Variants in FN1 observed in about 807,000 individuals in gnomAD.
FN1 encodes the protein fibronectin 1, also known as fibronectin.
A neutral mutation model predicts 297.3 loss-of-function variants in FN1; 106 were observed. The ratio of observed to expected loss-of-function variants is 0.36; its 90% CI spans 0.30 to 0.42. The LOEUF (loss-of-function observed/expected upper bound fraction) is 0.42, where lower values mean the gene tolerates loss of function less well. Ranked by LOEUF, FN1 falls within the 10% of genes least tolerant of loss-of-function variation. FN1 has a pLI of 1.00. For missense variants in FN1, 2,690 were observed against 3,124.9 expected (o/e 0.86, Z 3.32); for synonymous variants, 1,149 against 1,152.6 (o/e 1.00, Z 0.06).
At chr2:215,376,941 A>G (rs1364245506) in intron 35 of FN1, among the ~76,000 whole-genome samples, 1 of 152,184 alleles carries the variant, frequency 6.6e-6, no homozygotes, top group Non-Finnish European at 1.5e-5. Flanking sequence ...CTGGCTTTAT[A>G]GTATCTACAA....
chr2:215,397,544 G>T, intron 22 of FN1, 136 bp downstream of exon 22: 1 of 756,614 alleles, frequency 1.3e-6, no homozygotes, highest in Non-Finnish European at 2.3e-6. Flanking sequence ...TTCAGGAATA[G>T]CATTAATAAT....
chr2:215,361,266 A>G lies in FN1; in HGVS notation c.*289T>C, dbSNP rs2053394799. The G allele has an allele frequency of 5.3e-6, 2 of 376,280 alleles. No homozygotes were observed. The highest frequency in any genetic ancestry group is 3.2e-5 in the South Asian group (1 of 31,732). The allele number at this position is 376,280 out of a possible 1,614,324, so 23.3% of individuals were successfully genotyped here. ...CTTGGTTGGCTGCATATGCTTTCCT[A>G]TTGATCCCAAACCAAATCTTAGAAT... On this transcript the variant is annotated 3_prime_UTR_variant, in exon 46 of 46. Coordinates refer to ENST00000354785, the MANE Select transcript of FN1 (RefSeq NM_212482.4).
At chr2:215,367,543 T>G in intron 42 of FN1, 1 of 381,862 alleles carries the variant, frequency 2.6e-6, no homozygotes, top group South Asian at 2.2e-5. Context: ...TCTCTAATAC[T>G]CTTAAATAGA....
Position 215,373,655 on chromosome 2 carries a change from A to G in FN1, c.6158-244T>C, listed in dbSNP as rs568212567. Among the ~76,000 whole-genome samples the G allele has an allele frequency of 6.3e-4, 95 of 150,944 alleles. 1 individual carries two copies. In the South Asian group the frequency reaches 7.1e-3, roughly 11 times the overall value. On this transcript the variant is annotated intron_variant, in intron 38 of 45. Coordinates refer to ENST00000354785, the MANE Select transcript of FN1 (RefSeq NM_212482.4). The stretch of plus-strand genomic sequence containing the variant: ...CGCCTGAATAGACATTTTTTGGCTA[A>G]CTTTTCCAGGGTATTCTTTTTTTTT...
At chr2:215,408,052 C>A in intron 17 of FN1, 56 bp downstream of exon 17, 1 of 1,366,978 alleles carries the variant, frequency 7.3e-7, no homozygotes, top group Non-Finnish European at 1.0e-6. Flanking sequence ...CTGCGCCCTC[C>A]CTGCTGATGT....
rs757860365 is a variant in FN1 at position 215,370,393 on chromosome 2, C to T, written c.6754G>A (p.Gly2252Ser). The T allele has an allele frequency of 1.9e-6, 3 of 1,613,844 alleles. No homozygotes were observed. Among genetic ancestry groups the T allele is most frequent in the East Asian group, 2.2e-5 (1 of 44,868 alleles). The change falls in exon 41 of 46, where the codon GGC becomes AGC. Residue 2252 changes from glycine (G) to serine (S), a missense_variant. Gly to Ser is a moderately conservative substitution (Grantham distance 56). Transcript: ENST00000354785. ...TTGTAGGTGGCACCTCTGGTGAGGCCTGTCAGAGTGGCACTGGTAGAAGTT... is the reference window on the plus strand; with the variant it reads ...TTGTAGGTGGCACCTCTGGTGAGGCTTGTCAGAGTGGCACTGGTAGAAGTT... ...PGTSTSATLTGLTRGATYNVI... is the reference protein window; with the variant it reads ...PGTSTSATLTSLTRGATYNVI...
chr2:215,434,858 A>T, intron 1 of FN1, 34 bp from the exon 2 acceptor site: 1 of 1,605,800 alleles, frequency 6.2e-7, no homozygotes, highest in Non-Finnish European at 8.5e-7. Context: ...TTACATTTGC[A>T]TTTCTCCTTT....
Position 215,434,837 on chromosome 2 carries a change from G to T in FN1, c.149-13C>A. 6.4e-7 allele frequency: 1 copy of T among 1,571,622 alleles called. No homozygotes were observed. The highest frequency in any genetic ancestry group is 1.1e-5 in the South Asian group (1 of 90,494). Reference sequence around the variant, plus strand: ...TCATAACAACCGGCTGCAAATAATTGAAGGAAAACGTTACATTTGCATTTC... The same window carrying T: ...TCATAACAACCGGCTGCAAATAATTTAAGGAAAACGTTACATTTGCATTTC... On this transcript the variant is annotated splice_polypyrimidine_tract_variant and intron_variant, in intron 1 of 45. Coordinates refer to ENST00000354785, the MANE Select transcript of FN1 (RefSeq NM_212482.4).
At chr2:215,430,897 G>T in intron 4 of FN1, 45 bp from the exon 5 acceptor site, 1 of 1,606,274 alleles carries the variant, frequency 6.2e-7, no homozygotes, top group South Asian at 1.1e-5. Context: ...AGGTTATTTT[G>T]AATTGTGCAA....
Position 215,406,278 on chromosome 2 carries a change from A to G in FN1, c.2946T>C (p.His982=), listed in dbSNP as rs765509222. The stretch of plus-strand genomic sequence containing the variant: ...CAGTCAGAGGCTTGCTCTCCCTCCC[A>G]TGGCTCACTGCAAAGACTTTGAAGT... The part of the protein sequence containing the change: ...TYYFKVFAVS[H]GRESKPLTAQ... Residue 982 remains histidine (H), a synonymous_variant, in exon 19 of 46, where the codon CAT becomes CAC. Transcript: ENST00000354785. The G allele has an allele frequency of 3.8e-5, 61 of 1,614,046 alleles. No homozygotes were observed. The highest frequency in any genetic ancestry group is 4.7e-5 in the Non-Finnish European group (56 of 1,180,016).
At position 215,391,623 on chromosome 2, in the gene FN1, A is replaced by G. The variant is rs199520232; in HGVS notation, c.4252+9T>C. On this transcript the variant is annotated intron_variant, in intron 26 of 45. Coordinates refer to ENST00000354785, the MANE Select transcript of FN1 (RefSeq NM_212482.4). ...AATATTTATGGAACAGATACATTCAACTGCTTACTTGTTAAGACCACTGCA... is the reference window on the plus strand; with the variant it reads ...AATATTTATGGAACAGATACATTCAGCTGCTTACTTGTTAAGACCACTGCA... The G allele has an allele frequency of 1.6e-5, 25 of 1,608,774 alleles. 1 individual carries two copies. In the East Asian group the frequency reaches 3.1e-4, roughly 20 times the overall value.
chr2:215,369,855 C>T (rs1311993309), intron 41 of FN1, among the ~76,000 whole-genome samples: 1 of 152,156 alleles, frequency 6.6e-6, no homozygotes, highest in African/African-American at 2.4e-5. Flanking sequence ...CCAACTGTCC[C>T]CATGTCTGCA....
rs2058131149 is a variant in FN1 at position 215,381,066 on chromosome 2, T to C, written c.5179A>G (p.Lys1727Glu). 6.2e-7 allele frequency: 1 copy of C among 1,614,206 alleles called. No homozygotes were observed. The highest frequency in any genetic ancestry group is 8.5e-7 in the Non-Finnish European group (1 of 1,180,000). Residue 1727 changes from lysine to glutamate, a missense_variant, in exon 33 of 46, where the codon AAA becomes GAA. By Grantham distance (56) the Lys-to-Glu change is moderately conservative. Transcript: ENST00000354785. Reference sequence around the variant, plus strand: ...TCCACATCAGTGAATGCCAGTCCTTTAGGGCGATCAATGTCTGTTAGGCAA... The same window carrying C: ...TCCACATCAGTGAATGCCAGTCCTTCAGGGCGATCAATGTCTGTTAGGCAA... The part of the protein sequence containing the change: ...QTAVTNIDRP[K>E]GLAFTDVDVD...
In FN1 at chr2:215,362,086, G is replaced by T; in HGVS notation, c.7252-7C>A. ...AGTTGTCACAGCGCCAGCCCTGAGA[G>T]AGTAGAGGCATGAAGTCAAATGGGG... is the stretch of plus-strand genomic sequence containing the variant. On this transcript the variant is annotated splice_polypyrimidine_tract_variant and splice_region_variant and intron_variant, in intron 44 of 45. Coordinates refer to ENST00000354785, the MANE Select transcript of FN1 (RefSeq NM_212482.4). 1.9e-6 allele frequency: 3 copies of T among 1,608,870 alleles called. No individual in the cohort carries two copies. The highest frequency in any genetic ancestry group is 2.6e-6 in the Non-Finnish European group (3 of 1,175,240).
chr2:215,364,634 T>G, intron 44 of FN1: 1 of 562,748 alleles, frequency 1.8e-6, no homozygotes, highest in Non-Finnish European at 3.2e-6. Context: ...AAGACTTGTG[T>G]TTTTGGTACT....
chr2:215,378,949 A>G lies in FN1; in HGVS notation c.5622+181T>C, dbSNP rs2105912896. On this transcript the variant is annotated intron_variant, in intron 34 of 45. Transcript: ENST00000354785. ...GCTATTTATAAAATTCTGTCCCAAT[A>G]GTCATCTGGAAAACTTAGGTCAACA... 1.3e-5 allele frequency among the ~76,000 whole-genome samples: 2 copies of G among 152,364 alleles called. 1 individual carries two copies. Among genetic ancestry groups the G allele is most frequent in the South Asian group, 4.1e-4 (2 of 4,824 alleles).
At position 215,406,345 on chromosome 2, in the gene FN1, G is replaced by A; in HGVS notation, c.2879C>T (p.Thr960Ile). The change falls in exon 19 of 46, where the codon ACC (threonine) becomes ATC (isoleucine). Residue 960 changes from threonine (T) to isoleucine (I), a missense_variant. By Grantham distance (89) the Thr-to-Ile change is moderately conservative (BLOSUM62 -1). Coordinates refer to ENST00000354785, the MANE Select transcript of FN1 (RefSeq NM_212482.4). ...GGACAGCCCGGTGACTTCTGCAAAG[G>A]TGTTCCTGCTGATGGGCAGCCTCTG... ...HGQRLPISRN[T>I]FAEVTGLSPG... The A allele has an allele frequency of 6.2e-7, 1 of 1,614,228 alleles. No individual in the cohort carries two copies. Among genetic ancestry groups the A allele is most frequent in the Non-Finnish European group, 8.5e-7 (1 of 1,180,046 alleles).
At chr2:215,433,286 T>C (rs752609460) in intron 3 of FN1, 38 bp downstream of exon 3, 2 of 1,610,194 alleles carry the variant, frequency 1.2e-6, no homozygotes, top group East Asian at 2.2e-5. Flanking sequence ...AATTCATATT[T>C]GATATTTTGG....
Position 215,364,639 on chromosome 2 carries a change from G to A in FN1, c.7251+240C>T, listed in dbSNP as rs938058518. 6 of 569,080 alleles carry A rather than the reference G, an allele frequency of 1.1e-5. No homozygotes were observed. The African/African-American group carries it at 1.1e-4, about 11-fold the overall frequency. The allele number at this position is 569,080 out of a possible 1,614,324, so 35.3% of individuals were successfully genotyped here. ...AGAATGACTCAAGACTTGTGTTTTT[G>A]GTACTCTACATGCCATTCATTCATT... is the stretch of plus-strand genomic sequence containing the variant. On this transcript the variant is annotated intron_variant, in intron 44 of 45. Coordinates refer to ENST00000354785, the MANE Select transcript of FN1 (RefSeq NM_212482.4).
Sources: gnomAD v4.1 joint callset for allele counts (sites outside exome capture counted in the v4.1 genomes callset) on GRCh38, gnomAD v4.1.1 for gene constraint, MANE v1.5 for transcripts, NCBI Gene and HGNC (gene_info 2026-07-23, HGNC 2026-07-21) for gene names.